ZDHHC13: variants seen among roughly 807,000 people sequenced by gnomAD.
ZDHHC13 encodes zDHHC palmitoyltransferase 13.
In ZDHHC13, 85 loss-of-function variants were observed where a neutral mutation model predicts 86.0. The observed-to-expected ratio is 0.99, with a 90% confidence interval of 0.83 to 1.18. The LOEUF (loss-of-function observed/expected upper bound fraction) is 1.18. ZDHHC13 is among the 50% of genes most tolerant of loss of function. ZDHHC13 has a pLI of 0.00. For synonymous variants in ZDHHC13, 263 were observed against 246.4 expected, an observed-to-expected ratio of 1.07 and a Z score of -0.63; for missense variants, 711 against 730.2, an observed-to-expected ratio of 0.97 and a Z score of 0.30.
chr11:19,175,858 G>C lies in ZDHHC13; in HGVS notation c.1767G>C (p.Gln589His). ...TGCAGAACCTGGCAGATTTCTTTCA[G>C]TGTGGCTGCTTTGGCTTGGTGAAGC... ...GFMQNLADFF[Q>H]CGCFGLVKPC... Residue 589 changes from glutamine (Q) to histidine (H), a missense_variant, in exon 17 of 17, where the codon CAG becomes CAC. By Grantham distance (24) the Gln-to-His change is conservative. Transcript: ENST00000446113. 6.2e-7 allele frequency: 1 copy of C among 1,613,128 alleles called. No homozygotes were observed. The highest frequency in any genetic ancestry group is 8.5e-7 in the Non-Finnish European group (1 of 1,179,660).
chr11:19,170,568 G>T lies in ZDHHC13; in HGVS notation c.1632G>T (p.Gln544His). Reference sequence around the variant, plus strand: ...TTTTATTATTAAATCAACTCTTTCAGGTATTTATTTCTCTTCTTATAATGG... The same window carrying T: ...TTTTATTATTAAATCAACTCTTTCATGTATTTATTTCTCTTCTTATAATGG... ...STFLLLNQLFQIAFLGLTSHE... is the reference protein window; with the variant it reads ...STFLLLNQLFHIAFLGLTSHE... Residue 544 changes from glutamine to histidine, a missense_variant and splice_region_variant, in exon 15 of 17, where the codon CAG becomes CAT. By Grantham distance (24) the Gln-to-His change is conservative. Transcript: ENST00000446113. 2 of 1,515,880 alleles carry T rather than the reference G, an allele frequency of 1.3e-6. No homozygotes were observed. Among genetic ancestry groups the T allele is most frequent in the African/African-American group, 1.4e-5 (1 of 70,328 alleles). 93.9% of individuals were successfully genotyped at this position (1,515,880 alleles called of 1,614,324 possible). A position where few individuals can be genotyped will look rare whatever the true frequency, so the allele number is the denominator to read the frequency against.
At chr11:19,160,937 A>T (rs1849893744) in intron 10 of ZDHHC13, among the ~76,000 whole-genome samples, 1 of 151,986 alleles carries the variant, frequency 6.6e-6, no homozygotes, top group East Asian at 1.9e-4. Context: ...GAATCTTAAG[A>T]TGTTGGAATC....
chr11:19,166,777 A>G (rs1467455003), intron 14 of ZDHHC13: 2 of 157,364 alleles, frequency 1.3e-5, no homozygotes, highest in African/African-American at 4.8e-5. Flanking sequence ...TCCAGTCATT[A>G]AGGAACAAAC....
intron 15 of ZDHHC13, among the ~76,000 whole-genome samples, chr11:19,170,886 G>T (rs567411227): frequency 6.6e-6 from 1 of 152,264 alleles, no homozygotes; most frequent in African/African-American, 2.4e-5. Flanking sequence ...AAATTGAATT[G>T]CTCAAGGTCA....
intron 1 of ZDHHC13, among the ~76,000 whole-genome samples, chr11:19,132,011 A>T (rs1022356336): frequency 1.3e-5 from 2 of 152,238 alleles, no homozygotes; most frequent in Non-Finnish European, 2.9e-5. Flanking sequence ...ATACTTATAC[A>T]TACTTATATT....
rs763158715 is a variant in ZDHHC13 at position 19,163,410 on chromosome 11, G to A, written c.1216G>A (p.Glu406Lys). 9 of 1,592,602 alleles carry A rather than the reference G, an allele frequency of 5.7e-6. No individual in the cohort carries two copies. The highest frequency in any genetic ancestry group is 6.8e-6 in the Non-Finnish European group (8 of 1,173,162). ...TGATCCAGGCTTCACTAAGGCTTCT[G>A]AAGAAGAAAAGAAAGTGGTGAGATT... ...ATDPGFTKAS[E>K]EEKKVNIITL... Residue 406 changes from glutamate (E) to lysine (K), a missense_variant, in exon 11 of 17, where the codon GAA becomes AAA. Transcript: ENST00000446113.
At chr11:19,130,859 T>G (rs529377566) in intron 1 of ZDHHC13, among the ~76,000 whole-genome samples, 8 of 152,136 alleles carry the variant, frequency 5.3e-5, no homozygotes, top group South Asian at 2.1e-4. Context: ...TGTTTTTTTT[T>G]TTTTGAAAGG....
Position 19,170,397 on chromosome 11 carries a change from T to TTTTTTTTTTTTTA in ZDHHC13, c.1475-14_1475-13insTTTTTTTTTTTTA. 1 of 1,452,590 alleles carries TTTTTTTTTTTTTA rather than the reference T, an allele frequency of 6.9e-7. No individual in the cohort carries two copies. The highest frequency in any genetic ancestry group is 9.0e-7 in the Non-Finnish European group (1 of 1,106,716). The allele number at this position is 1,452,590 out of a possible 1,614,324, so 90.0% of individuals were successfully genotyped here. A position where few individuals can be genotyped will look rare whatever the true frequency, so the allele number is the denominator to read the frequency against. ...TGCCTTTTTTTTTTTTTTTTTTTTT[T>TTTTTTTTTTTTTA]GGTGAATTCACAGATTTGTCCAGTC... On this transcript the variant is annotated splice_polypyrimidine_tract_variant and intron_variant, in intron 14 of 16. Transcript: ENST00000446113.
chr11:19,169,363 T>A (rs1850157643), intron 14 of ZDHHC13: 1 of 985,480 alleles, frequency 1.0e-6, no homozygotes, highest in Non-Finnish European at 1.2e-6. Flanking sequence ...ATGATTGCTC[T>A]TAGAATGCTT....
At chr11:19,175,549 A>T (rs1009752879) in intron 16 of ZDHHC13, among the ~76,000 whole-genome samples, 1 of 152,136 alleles carries the variant, frequency 6.6e-6, no homozygotes, top group Non-Finnish European at 1.5e-5. Flanking sequence ...CCAGTCCATT[A>T]AGTGGGGAAT....
At chr11:19,135,033 A>G (rs1019225146) in intron 1 of ZDHHC13, among the ~76,000 whole-genome samples, 4 of 152,154 alleles carry the variant, frequency 2.6e-5, no homozygotes, top group African/African-American at 4.8e-5. Flanking sequence ...CCCCCTCCCA[A>G]TAAATAAATA....
At chr11:19,160,159 C>T (rs184059716) in intron 10 of ZDHHC13, among the ~76,000 whole-genome samples, 11 of 152,054 alleles carry the variant, frequency 7.2e-5, no homozygotes, top group African/African-American at 2.4e-4. Context: ...ATGTCCACAT[C>T]CATTATAGCA....
chr11:19,165,976 G>A (rs1271902260), intron 13 of ZDHHC13, among the ~76,000 whole-genome samples: 1 of 152,198 alleles, frequency 6.6e-6, no homozygotes, highest in Non-Finnish European at 1.5e-5. Context: ...GGTATGATTT[G>A]TCCAAATTCC....
intron 9 of ZDHHC13, among the ~76,000 whole-genome samples, chr11:19,156,296 A>G (rs1223289603): frequency 6.6e-6 from 1 of 152,158 alleles, no homozygotes; most frequent in Non-Finnish European, 1.5e-5. Flanking sequence ...TCCTTTTTCT[A>G]AATTTATTTT....
At position 19,149,321 on chromosome 11, in the gene ZDHHC13, C is replaced by T. The variant is rs1007155580; in HGVS notation, c.509C>T (p.Ser170Leu). ...QHMPIIAYLISKGQSVNMTDV... is the reference protein window; with the variant it reads ...QHMPIIAYLILKGQSVNMTDV... The stretch of plus-strand genomic sequence containing the variant: ...ATGCCTATTATAGCATATCTCATCT[C>T]AAAGGGACAGGTATGTTCTGAAATG... The change falls in exon 5 of 17, where the codon TCA becomes TTA. Residue 170 changes from serine to leucine, a missense_variant. Transcript: ENST00000446113. 3.8e-6 allele frequency: 6 copies of T among 1,596,240 alleles called. No individual in the cohort carries two copies. Among genetic ancestry groups the T allele is most frequent in the Non-Finnish European group, 5.1e-6 (6 of 1,169,628 alleles).
intron 1 of ZDHHC13, among the ~76,000 whole-genome samples, chr11:19,130,509 T>C (rs1002980147): frequency 1.3e-5 from 2 of 152,200 alleles, no homozygotes; most frequent in Non-Finnish European, 2.9e-5. Flanking sequence ...GAGCCAGATT[T>C]CGGCTTCAAT....
intron 1 of ZDHHC13, among the ~76,000 whole-genome samples, chr11:19,129,688 A>C (rs893368088): frequency 3.3e-5 from 5 of 151,980 alleles, no homozygotes; most frequent in South Asian, 2.1e-4. Context: ...TCACCTTACT[A>C]ATATTTTGTT....
At chr11:19,135,404 C>T (rs1849109441) in intron 1 of ZDHHC13, among the ~76,000 whole-genome samples, 2 of 152,266 alleles carry the variant, frequency 1.3e-5, no homozygotes, top group African/African-American at 2.4e-5. Context: ...ATATCCCGCA[C>T]CTGGCTCGGA....
At chr11:19,164,534 G>A in intron 12 of ZDHHC13, 171 bp downstream of exon 12, 1 of 632,672 alleles carries the variant, frequency 1.6e-6, no homozygotes, top group Non-Finnish European at 2.7e-6. Flanking sequence ...ATGGCAGAAT[G>A]ATGTTTATAA....
Sources: gnomAD v4.1 joint callset for allele counts (sites outside exome capture counted in the v4.1 genomes callset) on GRCh38, gnomAD v4.1.1 for gene constraint, MANE v1.5 for transcripts, NCBI Gene and HGNC (gene_info 2026-07-23, HGNC 2026-07-21) for gene names.